HOXC5: variants seen among roughly 807,000 people sequenced by gnomAD.
HOXC5 encodes homeobox protein Hox-C5.
A neutral mutation model predicts 20.1 loss-of-function variants in HOXC5; 19 were observed. The ratio of observed to expected loss-of-function variants is 0.94; its 90% CI spans 0.66 to 1.38. The LOEUF (loss-of-function observed/expected upper bound fraction) is 1.38. Among genes scored for constraint, HOXC5 ranks in the 40% most tolerant of loss-of-function variants. The pLI is 0.00. For missense variants in HOXC5, 330 were observed against 300.1 expected, an observed-to-expected ratio of 1.10 and a Z score of -0.74; for synonymous variants, 124 against 117.0, an observed-to-expected ratio of 1.06 and a Z score of -0.39.
At chr12:54,023,187 A>G in the HOXC5 span, among the ~76,000 whole-genome samples, 4 of 152,182 alleles carry the variant, frequency 2.6e-5, no homozygotes. Flanking sequence ...CTTGGGCACC[A>G]GCCCCCAAAA....
chr12:54,024,448 G>T, the HOXC5 span, among the ~76,000 whole-genome samples: 2 of 152,196 alleles, frequency 1.3e-5, no homozygotes, highest in South Asian at 4.1e-4. Flanking sequence ...AAACATCCGC[G>T]CAGAGTTAGG....
At chr12:54,030,505 A>G (rs1435946904), upstream of HOXC5, 1 of 152,778 alleles carries the variant, frequency 6.5e-6, no homozygotes, top group Admixed American at 6.5e-5. Flanking sequence ...GCCCAGGCAA[A>G]TTGTATTTAA....
chr12:54,026,207 CTG>C, the HOXC5 span, among the ~76,000 whole-genome samples: 1 of 152,158 alleles, frequency 6.6e-6, no homozygotes, highest in South Asian at 2.1e-4. Flanking sequence ...GCTGGGAACT[CTG>C]AGAGAGGCTA....
At position 54,033,096 on chromosome 12, in the gene HOXC5, C is replaced by A. The variant is rs890288399; in HGVS notation, c.-27C>A. ...AAATCACCCTTAATCAAAAAGGGTG[C>A]AGAAATTTTTTTGGGCCCTCCCCGC... is the stretch of plus-strand genomic sequence containing the variant. On this transcript the variant is annotated 5_prime_UTR_variant, in exon 1 of 2. Coordinates refer to ENST00000312492, the MANE Select transcript of HOXC5 (RefSeq NM_018953.4). 6.3e-7 allele frequency: 1 copy of A among 1,583,978 alleles called. No individual in the cohort carries two copies. Among genetic ancestry groups the A allele is most frequent in the Non-Finnish European group, 8.6e-7 (1 of 1,158,944 alleles).
At chr12:54,027,754 C>G in the HOXC5 span, among the ~76,000 whole-genome samples, 1 of 152,130 alleles carries the variant, frequency 6.6e-6, no homozygotes, top group East Asian at 1.9e-4. Context: ...GATGCGTGGC[C>G]CATTTGCCCA....
chr12:54,018,495 G>T, the HOXC5 span, among the ~76,000 whole-genome samples: 28 of 152,246 alleles, frequency 1.8e-4, no homozygotes, highest in African/African-American at 6.8e-4. Context: ...CGGCGGGAGG[G>T]TCCTGGGCAC....
chr12:54,028,987 G>T (rs1359035050), upstream of HOXC5: 6 of 1,479,376 alleles, frequency 4.1e-6, no homozygotes, highest in East Asian at 1.4e-4. Flanking sequence ...GGCTTCCCTA[G>T]AAGAACGGGC....
the HOXC5 span, among the ~76,000 whole-genome samples, chr12:54,025,531 G>T: frequency 5.8e-4 from 26 of 44,592 alleles, 1 homozygote; most frequent in South Asian, 1.2e-3. Flanking sequence ...GGTAATTGGG[G>T]GGGGGGGAGG....
chr12:54,018,105 C>T, the HOXC5 span, among the ~76,000 whole-genome samples: 2 of 148,856 alleles, frequency 1.3e-5, no homozygotes, highest in African/African-American at 5.0e-5. Context: ...CGCCCCCACT[C>T]GGGCGGATGG....
At chr12:54,018,227 T>C in the HOXC5 span, among the ~76,000 whole-genome samples, 1 of 152,216 alleles carries the variant, frequency 6.6e-6, no homozygotes, top group South Asian at 2.1e-4. Context: ...CTACCGGCTT[T>C]CCCTTCCGGG....
Position 54,033,479 on chromosome 12 carries a change from A to AGAG in HOXC5, c.361_363dup (p.Glu121dup). 1 of 1,595,908 alleles carries AGAG rather than the reference A, an allele frequency of 6.3e-7. No individual in the cohort carries two copies. Among genetic ancestry groups the AGAG allele is most frequent in the Non-Finnish European group, 8.5e-7 (1 of 1,173,758 alleles). On this transcript the variant is annotated inframe_insertion, in exon 1 of 2. Transcript: ENST00000312492. ...GAGCTAAGAGCAGTGGGGAGATCAA[A>AGAG]GAGGAGCAGGCGCAGACAGGGCAGC...
At chr12:54,018,105 C>A in the HOXC5 span, among the ~76,000 whole-genome samples, 7 of 148,856 alleles carry the variant, frequency 4.7e-5, no homozygotes, top group Non-Finnish European at 8.9e-5. Context: ...CGCCCCCACT[C>A]GGGCGGATGG....
At chr12:54,016,944 G>C in the HOXC5 span, 1 of 152,050 alleles carries the variant, frequency 6.6e-6, no homozygotes, top group Admixed American at 6.5e-5. Flanking sequence ...TGCCCTGGGC[G>C]CTCCCTTCAT....
At chr12:54,028,501 C>A, upstream of HOXC5, 4 of 1,607,694 alleles carry the variant, frequency 2.5e-6, no homozygotes, top group South Asian at 1.1e-5. Context: ...AATCATAGAC[C>A]GACCAGGTAA....
chr12:54,033,085 C>A lies in HOXC5; in HGVS notation c.-38C>A. ...CAAAGAGTCACAAATCACCCTTAAT[C>A]AAAAAGGGTGCAGAAATTTTTTTGG... On this transcript the variant is annotated 5_prime_UTR_variant, in exon 1 of 2. Coordinates refer to ENST00000312492, the MANE Select transcript of HOXC5 (RefSeq NM_018953.4). The A allele has an allele frequency of 1.3e-6, 2 of 1,548,348 alleles. No homozygotes were observed. The highest frequency in any genetic ancestry group is 2.3e-5 in the South Asian group (2 of 86,720).
chr12:54,029,109 C>T (rs541688247), upstream of HOXC5, among the ~76,000 whole-genome samples: 4 of 151,768 alleles, frequency 2.6e-5, no homozygotes, highest in African/African-American at 9.7e-5. Context: ...AGGGGCCTGG[C>T]CCCCTTGGCC....
the HOXC5 span, among the ~76,000 whole-genome samples, chr12:54,025,828 C>T: frequency 2.4e-4 from 37 of 152,264 alleles, no homozygotes; most frequent in East Asian, 5.2e-3. Flanking sequence ...TTTGGGGCCC[C>T]TTTCCTCTCC....
At chr12:54,019,311 GC>G in the HOXC5 span, among the ~76,000 whole-genome samples, 6 of 152,136 alleles carry the variant, frequency 3.9e-5, no homozygotes, top group Non-Finnish European at 8.8e-5. Flanking sequence ...TGCTCAGGCT[GC>G]CGCGCGCTCT....
At chr12:54,024,172 C>T in the HOXC5 span, among the ~76,000 whole-genome samples, 3 of 152,178 alleles carry the variant, frequency 2.0e-5, no homozygotes, top group South Asian at 4.1e-4. Context: ...TTTTAGCCCT[C>T]GCCCAGTGGC....
Sources: gnomAD v4.1 joint callset for allele counts (sites outside exome capture counted in the v4.1 genomes callset) on GRCh38, gnomAD v4.1.1 for gene constraint, MANE v1.5 for transcripts, NCBI Gene and HGNC (gene_info 2026-07-23, HGNC 2026-07-21) for gene names.